PRKAA1: variants seen among roughly 807,000 people sequenced by gnomAD.
PRKAA1 encodes protein kinase AMP-activated catalytic subunit alpha 1, also known as 5'-AMP-activated protein kinase catalytic subunit alpha-1.
In PRKAA1, 23 loss-of-function variants were observed where a neutral mutation model predicts 56.9. The ratio of observed to expected loss-of-function variants is 0.40; its 90% CI spans 0.29 to 0.57. PRKAA1 has a LOEUF of 0.57. Among genes scored for constraint, PRKAA1 ranks in the 20% least tolerant of loss-of-function variants. The pLI is 0.39. For missense variants in PRKAA1, 413 were observed against 679.7 expected (o/e 0.61, Z 4.36); for synonymous variants, 226 against 227.0 (o/e 1.00, Z 0.04).
chr5:40,795,024 C>CACACACACACAT lies in PRKAA1; in HGVS notation c.127+3038_127+3039insATGTGTGTGTGT, dbSNP rs1290522169. 1.6e-3 allele frequency among the ~76,000 whole-genome samples: 244 copies of CACACACACACAT among 152,118 alleles called. 1 individual carries two copies. Among genetic ancestry groups the CACACACACACAT allele is most frequent in the African/African-American group, 5.6e-3 (233 of 41,486 alleles). ...ACATATATATACACACACACACACACACACACACACAAAATGGAATACTAC... is the reference window on the plus strand; with the variant it reads ...ACATATATATACACACACACACACACACACACACACATACACACACACAAAATGGAATACTAC... On this transcript the variant is annotated intron_variant, in intron 1 of 8. Coordinates refer to ENST00000397128, the MANE Select transcript of PRKAA1 (RefSeq NM_006251.6).
intron 1 of PRKAA1, among the ~76,000 whole-genome samples, chr5:40,785,535 C>T (rs1347579590): frequency 6.6e-6 from 1 of 152,094 alleles, no homozygotes; most frequent in East Asian, 1.9e-4. Context: ...ACCAACCACG[C>T]CCAGCCCACA....
intron 1 of PRKAA1, among the ~76,000 whole-genome samples, chr5:40,784,159 A>G (rs1744374999): frequency 6.6e-6 from 1 of 152,214 alleles, no homozygotes; most frequent in Non-Finnish European, 1.5e-5. Context: ...CACTGCTCCC[A>G]GACCTGTTCC....
At chr5:40,796,799 G>A (rs965535119) in intron 1 of PRKAA1, among the ~76,000 whole-genome samples, 2 of 152,130 alleles carry the variant, frequency 1.3e-5, no homozygotes, top group Non-Finnish European at 2.9e-5. Flanking sequence ...GAAGAGTAAG[G>A]CTCAGTTGAG....
intron 1 of PRKAA1, among the ~76,000 whole-genome samples, chr5:40,790,741 T>G (rs907369855): frequency 6.6e-6 from 1 of 152,150 alleles, no homozygotes; most frequent in Admixed American, 6.5e-5. Flanking sequence ...GGTTTCACCA[T>G]GTTGGCCAGG....
chr5:40,795,932 G>A (rs181804518), intron 1 of PRKAA1, among the ~76,000 whole-genome samples: 14 of 152,266 alleles, frequency 9.2e-5, no homozygotes, highest in East Asian at 5.8e-4. Flanking sequence ...GGAGACATTC[G>A]TGTCACAGCC....
At chr5:40,793,006 G>T (rs1187773698) in intron 1 of PRKAA1, among the ~76,000 whole-genome samples, 1 of 151,382 alleles carries the variant, frequency 6.6e-6, no homozygotes, top group African/African-American at 2.4e-5. Context: ...GGTGGAAGTT[G>T]CAGTGAGCTG....
At chr5:40,783,023 A>G (rs1296429908) in intron 1 of PRKAA1, among the ~76,000 whole-genome samples, 1 of 152,196 alleles carries the variant, frequency 6.6e-6, no homozygotes, top group Non-Finnish European at 1.5e-5. Context: ...TCACAAAAGT[A>G]TGATCGTATC....
chr5:40,775,350 G>C lies in PRKAA1; in HGVS notation c.363+60C>G. The C allele has an allele frequency of 3.0e-6, 4 of 1,313,378 alleles. No individual in the cohort carries two copies. In the South Asian group the frequency reaches 4.8e-5, roughly 16 times the overall value. 81.4% of individuals were successfully genotyped at this position (1,313,378 alleles called of 1,614,324 possible). On this transcript the variant is annotated intron_variant, in intron 3 of 8. Coordinates refer to ENST00000397128, the MANE Select transcript of PRKAA1 (RefSeq NM_006251.6). ...TAAAATTGGTTGCTGACATTTTGAT[G>C]CTAGTAAAGGATAAAGGGGAGTTAC...
chr5:40,785,868 A>G (rs866846754), intron 1 of PRKAA1, among the ~76,000 whole-genome samples: 54 of 140,788 alleles, frequency 3.8e-4, no homozygotes, highest in African/African-American at 1.3e-3. Context: ...AGAGAGAGAG[A>G]GAGAGAGAGA....
intron 1 of PRKAA1, among the ~76,000 whole-genome samples, chr5:40,796,448 ATT>A (rs397975456): frequency 6.7e-6 from 1 of 149,038 alleles, no homozygotes; most frequent in East Asian, 2.0e-4. Context: ...AAAAATGAAC[ATT>A]TTTTTTTTTA....
rs891106425 is a variant in PRKAA1 at position 40,782,560 on chromosome 5, G to T, written c.128-4974C>A. Among the ~76,000 whole-genome samples, 48 of 152,150 alleles carry T rather than the reference G, an allele frequency of 3.2e-4. 1 individual carries two copies. The highest frequency in any genetic ancestry group is 1.6e-4 in the Non-Finnish European group (11 of 68,024). ...AAACTCATCCATGAAATGCATGATT[G>T]TATTAGCAAAATTTATTAACTATTT... On this transcript the variant is annotated intron_variant, in intron 1 of 8. Transcript: ENST00000397128.
intron 1 of PRKAA1, 145 bp from the exon 2 acceptor site, chr5:40,777,731 C>T (rs920567850): frequency 1.0e-5 from 7 of 681,542 alleles, no homozygotes; most frequent in African/African-American, 3.8e-5. Flanking sequence ...GTCAGGAGTT[C>T]GAAACCAATC....
chr5:40,768,747 T>G, intron 5 of PRKAA1: 1 of 1,321,828 alleles, frequency 7.6e-7, no homozygotes, highest in Non-Finnish European at 9.6e-7. Flanking sequence ...AAGTTCATTA[T>G]AAATCTAGCA....
At chr5:40,786,786 C>CAAAAAAAAAA (rs34749478) in intron 1 of PRKAA1, among the ~76,000 whole-genome samples, 12 of 43,514 alleles carry the variant, frequency 2.8e-4, no homozygotes, top group Admixed American at 1.1e-3. Context: ...ACTAAAAATA[C>CAAAAAAAAAA]AAAAAAAAAA....
At position 40,798,215 on chromosome 5, in the gene PRKAA1, G is replaced by A; in HGVS notation, c.-26C>T. On this transcript the variant is annotated 5_prime_UTR_variant, in exon 1 of 9. Transcript: ENST00000397128. ...GGCGCTGCGGGAGGGGGCGGAGGGG[G>A]CGGGCAGGGCCGCGCCGGGGGCGGG... The A allele has an allele frequency of 1.1e-5, 6 of 570,018 alleles. No homozygotes were observed. The highest frequency in any genetic ancestry group is 3.8e-5 in the Admixed American group (1 of 26,150). 35.3% of individuals were successfully genotyped at this position (570,018 alleles called of 1,614,324 possible).
intron 1 of PRKAA1, among the ~76,000 whole-genome samples, chr5:40,790,835 G>A (rs1023008655): frequency 5.3e-5 from 8 of 152,098 alleles, no homozygotes; most frequent in South Asian, 2.1e-4. Flanking sequence ...CACCACACCC[G>A]GCCTTCAGTA....
intron 1 of PRKAA1, among the ~76,000 whole-genome samples, chr5:40,786,111 C>G (rs1204668270): frequency 6.6e-6 from 1 of 152,088 alleles, no homozygotes; most frequent in African/African-American, 2.4e-5. Context: ...AAAAATTAGC[C>G]AGGAGTGGTG....
At chr5:40,784,866 A>G (rs1744404482) in intron 1 of PRKAA1, among the ~76,000 whole-genome samples, 1 of 152,162 alleles carries the variant, frequency 6.6e-6, no homozygotes, top group Admixed American at 6.5e-5. Context: ...CAGACTCTTA[A>G]AGTTATGCTT....
intron 1 of PRKAA1, among the ~76,000 whole-genome samples, chr5:40,781,498 G>C (rs1436979855): frequency 1.3e-5 from 2 of 152,082 alleles, no homozygotes; most frequent in East Asian, 1.9e-4. Context: ...GTAACATATG[G>C]AGAAGGCCTA....
Sources: gnomAD v4.1 joint callset for allele counts (sites outside exome capture counted in the v4.1 genomes callset) on GRCh38, gnomAD v4.1.1 for gene constraint, MANE v1.5 for transcripts, NCBI Gene and HGNC (gene_info 2026-07-23, HGNC 2026-07-21) for gene names.